USP25: variants seen among roughly 807,000 people sequenced by gnomAD.
USP25 encodes the protein ubiquitin specific peptidase 25, also known as ubiquitin carboxyl-terminal hydrolase 25.
Under a neutral mutation model 158.5 loss-of-function variants are expected in USP25, and 85 were observed. The ratio of observed to expected loss-of-function variants is 0.54; its 90% CI spans 0.45 to 0.64. The LOEUF (loss-of-function observed/expected upper bound fraction) is 0.64. Ranked by LOEUF, USP25 falls within the 30% of genes least tolerant of loss-of-function variation. USP25 has a pLI of 0.00. For synonymous variants in USP25, 464 were observed against 460.4 expected, an observed-to-expected ratio of 1.01 and a Z score of -0.10; for missense variants, 1,242 against 1,327.3, an observed-to-expected ratio of 0.94 and a Z score of 1.00.
intron 3 of USP25, among the ~76,000 whole-genome samples, chr21:15,776,362 TC>T (rs2034657121): frequency 6.6e-6 from 1 of 152,162 alleles, no homozygotes; most frequent in Non-Finnish European, 1.5e-5. Flanking sequence ...ACCACTTCCT[TC>T]CATGATCAGG....
chr21:15,862,676 A>G (rs963650942), intron 20 of USP25, among the ~76,000 whole-genome samples: 1 of 151,284 alleles, frequency 6.6e-6, no homozygotes, highest in East Asian at 1.9e-4. Context: ...GATAATCTTA[A>G]ATATTAAAAT....
intron 17 of USP25, among the ~76,000 whole-genome samples, chr21:15,836,501 C>A (rs1245379825): frequency 1.3e-5 from 2 of 151,654 alleles, no homozygotes; most frequent in African/African-American, 4.9e-5. Context: ...CCATTCTTTG[C>A]TGTCAGTGTG....
At position 15,799,837 on chromosome 21, in the gene USP25, C is replaced by T. The variant is rs750510586; in HGVS notation, c.636C>T (p.Asn212=). The change falls in exon 6 of 26, where the codon AAC becomes AAT. Residue 212 remains asparagine, a synonymous_variant. Transcript: ENST00000400183. ...CAAATGCTCAAGATTTACCCCGAAA[C>T]CAAAAGGTAAAATTCAAAAGATTTT... The part of the protein sequence containing the change: ...PPSNAQDLPR[N]QKEHRNLPFM... 5.6e-6 allele frequency: 9 copies of T among 1,600,760 alleles called. No individual in the cohort carries two copies. In the South Asian group the frequency reaches 1.0e-4, roughly 18 times the overall value.
intron 2 of USP25, among the ~76,000 whole-genome samples, chr21:15,765,623 A>G (rs1042412734): frequency 3.9e-5 from 6 of 152,038 alleles, no homozygotes; most frequent in African/African-American, 1.4e-4. Flanking sequence ...CCTTGTTTGT[A>G]GAAGTACTAA....
chr21:15,875,997 T>C lies in USP25; in HGVS notation c.3009+1471T>C, dbSNP rs1015951720. 6.6e-6 allele frequency: 1 copy of C among 152,212 alleles called. No individual in the cohort carries two copies. The highest frequency in any genetic ancestry group is 2.4e-5 in the African/African-American group (1 of 41,436). 9.4% of individuals were successfully genotyped at this position (152,212 alleles called of 1,614,324 possible). Reference sequence around the variant, plus strand: ...AGAGTGAGGACCTCAACTCATGTAGTACGGTAGGTATGATGGTGAAGGAAA... The same window carrying C: ...AGAGTGAGGACCTCAACTCATGTAGCACGGTAGGTATGATGGTGAAGGAAA... On this transcript the variant is annotated intron_variant, in intron 24 of 25. Coordinates refer to ENST00000400183, the MANE Select transcript of USP25 (RefSeq NM_001283041.3). This position sits in a 1 kb window ranked among gnomAD's most constrained non-coding sequence, Gnocchi z 4.7.
At chr21:15,812,407 G>T (rs1041289569) in intron 9 of USP25, among the ~76,000 whole-genome samples, 1 of 152,020 alleles carries the variant, frequency 6.6e-6, no homozygotes, top group African/African-American at 2.4e-5. Flanking sequence ...CCAGCACTTC[G>T]GGAGCCCGAG....
intron 5 of USP25, among the ~76,000 whole-genome samples, chr21:15,796,290 T>C (rs1469920214): frequency 2.0e-5 from 3 of 151,528 alleles, no homozygotes; most frequent in Non-Finnish European, 4.4e-5. Flanking sequence ...GGTGATGAGT[T>C]TCACTGAGTA....
At chr21:15,747,666 T>C (rs1252464192) in intron 1 of USP25, among the ~76,000 whole-genome samples, 1 of 152,124 alleles carries the variant, frequency 6.6e-6, no homozygotes, top group Admixed American at 6.5e-5. Flanking sequence ...TGCTGACTAC[T>C]AAGTGGGTAG....
chr21:15,868,986 TATAA>T (rs2039771672), intron 22 of USP25, among the ~76,000 whole-genome samples: 2 of 152,182 alleles, frequency 1.3e-5, no homozygotes, highest in African/African-American at 4.8e-5. Context: ...GGCTCATGCT[TATAA>T]TCCCAGCACT....
In USP25 at chr21:15,849,225, G is replaced by A. The variant is rs147312503; in HGVS notation, c.2452-552G>A. ...TTTTTGCAAGTGCTTATGTGACAGA[G>A]TTGTGTGTTTTGTCGTTTTTTAAAA... On this transcript the variant is annotated intron_variant, in intron 19 of 25. Transcript: ENST00000400183. 1.4e-3 allele frequency among the ~76,000 whole-genome samples: 208 copies of A among 152,280 alleles called. 2 individuals are homozygous for A. Among genetic ancestry groups the A allele is most frequent in the Admixed American group, 1.9e-3 (29 of 15,288 alleles).
intron 20 of USP25, among the ~76,000 whole-genome samples, chr21:15,852,245 C>T (rs1196050766): frequency 6.6e-6 from 1 of 151,998 alleles, no homozygotes; most frequent in Non-Finnish European, 1.5e-5. Context: ...TATCATCATA[C>T]TCCCTTTCTT....
At chr21:15,870,880 A>G (rs2039857709) in intron 23 of USP25, among the ~76,000 whole-genome samples, 1 of 152,222 alleles carries the variant, frequency 6.6e-6, no homozygotes, top group Admixed American at 6.5e-5. Context: ...AGAAACAAAG[A>G]TCAGTGTTTA....
At chr21:15,820,505 A>G (rs1198566635) in intron 10 of USP25, among the ~76,000 whole-genome samples, 2 of 151,898 alleles carry the variant, frequency 1.3e-5, no homozygotes, top group African/African-American at 4.8e-5. Context: ...GCAGTTTCTA[A>G]TCTCCACTAC....
chr21:15,800,758 G>T (rs1342459460), intron 6 of USP25, among the ~76,000 whole-genome samples: 1 of 151,382 alleles, frequency 6.6e-6, no homozygotes, highest in Non-Finnish European at 1.5e-5. Flanking sequence ...TTTTTAGTAG[G>T]AGTGATGAAA....
Position 15,838,019 on chromosome 21 carries a change from C to T in USP25, c.2195-4379C>T, listed in dbSNP as rs1002050406. Among the ~76,000 whole-genome samples, 10 of 151,838 alleles carry T rather than the reference C, an allele frequency of 6.6e-5. No individual in the cohort carries two copies. In the East Asian group the frequency reaches 7.8e-4, roughly 12 times the overall value. ...GGCATGATCTTAGCTCACTGCCTGC[C>T]GGGTTCAAGCAATTCTTGTGCCTCA... On this transcript the variant is annotated intron_variant, in intron 17 of 25. Coordinates refer to ENST00000400183, the MANE Select transcript of USP25 (RefSeq NM_001283041.3).
chr21:15,797,693 C>G (rs762037325), intron 5 of USP25, among the ~76,000 whole-genome samples: 1 of 151,230 alleles, frequency 6.6e-6, no homozygotes, highest in Non-Finnish European at 1.5e-5. Flanking sequence ...ATTCTCTTTC[C>G]TCTTTAAATT....
chr21:15,752,155 ACT>A (rs573313715), intron 1 of USP25, among the ~76,000 whole-genome samples: 233 of 151,710 alleles, frequency 1.5e-3, no homozygotes, highest in Non-Finnish European at 2.7e-3. Context: ...ATGGTCTCGA[ACT>A]CCTGACCTCA....
At chr21:15,825,337 T>C (rs2037449967) in intron 12 of USP25, among the ~76,000 whole-genome samples, 1 of 152,138 alleles carries the variant, frequency 6.6e-6, no homozygotes, top group African/African-American at 2.4e-5. Context: ...ACCTTCCTTT[T>C]TGCATGAAAC....
chr21:15,733,868 A>G (rs1435640978), intron 1 of USP25, among the ~76,000 whole-genome samples: 2 of 152,096 alleles, frequency 1.3e-5, no homozygotes. Context: ...AAAACAAAAC[A>G]ATGAAAGCTT....
Sources: allele counts gnomAD v4.1 joint callset (sites outside exome capture counted in the v4.1 genomes callset), GRCh38; gene constraint gnomAD v4.1.1; non-coding constraint Gnocchi (gnomAD v3.1); transcripts MANE v1.5; gene names NCBI Gene and HGNC (gene_info 2026-07-23, HGNC 2026-07-21).